Variants in GLUD1 observed in about 807,000 individuals in gnomAD.
GLUD1 encodes glutamate dehydrogenase 1, also known as glutamate dehydrogenase 1, mitochondrial.
Under a neutral mutation model 56.0 loss-of-function variants are expected in GLUD1, and 22 were observed. That is an observed-to-expected ratio of 0.39 (90% CI 0.28 to 0.56). GLUD1 has a LOEUF of 0.56. GLUD1 is among the 20% of genes least tolerant of loss of function. The pLI, the probability that GLUD1 is intolerant of heterozygous loss-of-function variation, is 0.58. For synonymous variants in GLUD1, 223 were observed against 269.9 expected, an observed-to-expected ratio of 0.83 and a Z score of 1.70; for missense variants, 451 against 732.0, an observed-to-expected ratio of 0.62 and a Z score of 4.43.
chr10:87,052,528 G>C (rs1269466433), intron 12 of GLUD1, among the ~76,000 whole-genome samples: 1 of 151,766 alleles, frequency 6.6e-6, no homozygotes, highest in Non-Finnish European at 1.5e-5. Flanking sequence ...AAATTAGTTG[G>C]GCATGGTGGC....
intron 7 of GLUD1, 38 bp downstream of exon 7, chr10:87,060,877 T>C: frequency 6.2e-7 from 1 of 1,613,154 alleles, no homozygotes; most frequent in Non-Finnish European, 8.5e-7. Context: ...TTTTAAATAT[T>C]TATATTTAGT....
chr10:87,055,886 C>T (rs866874218), intron 11 of GLUD1, among the ~76,000 whole-genome samples: 3 of 151,810 alleles, frequency 2.0e-5, no homozygotes, highest in African/African-American at 4.8e-5. Context: ...GAGGCCGAGG[C>T]GGGTGGATCA....
At position 87,060,589 on chromosome 10, in the gene GLUD1, C is replaced by G. The variant is rs186601265; in HGVS notation, c.1197+99G>C. 2.8e-6 allele frequency: 4 copies of G among 1,421,070 alleles called. No individual in the cohort carries two copies. The African/African-American group carries it at 4.2e-5, about 15-fold the overall frequency. The allele number at this position is 1,421,070 out of a possible 1,614,324, so 88.0% of individuals were successfully genotyped here. On this transcript the variant is annotated intron_variant, in intron 8 of 12. Coordinates refer to ENST00000277865, the MANE Select transcript of GLUD1 (RefSeq NM_005271.5). ...GTATGTGCAGTATGTGCCAATAAAG[C>G]TGCTAAAAAGAAAGAGAAAACTCAA...
chr10:87,080,590 G>A (rs1001135038), intron 1 of GLUD1, among the ~76,000 whole-genome samples: 4 of 148,726 alleles, frequency 2.7e-5, no homozygotes, highest in Non-Finnish European at 4.4e-5. Flanking sequence ...TTGCCCCGCC[G>A]CCCCGTCTGG....
Position 87,094,485 on chromosome 10 carries a change from C to T in GLUD1, c.285G>A (p.Glu95=), listed in dbSNP as rs1282859593. Residue 95 remains glutamate (E), a synonymous_variant, in exon 1 of 13, where the codon GAG becomes GAA. Transcript: ENST00000277865. The surrounding 1 kb of genome is among the most constrained non-coding windows in gnomAD (Gnocchi z 6.6). The part of the protein sequence containing the change: ...LVEDLRTRES[E]EQKRNRVRGI... ...CGCGCACCCGGTTCCGCTTCTGCTC[C>T]TCGCTCTCCCGGGTCCTCAGGTCCT... 1.9e-6 allele frequency: 3 copies of T among 1,613,562 alleles called. No homozygotes were observed. Among genetic ancestry groups the T allele is most frequent in the African/African-American group, 2.7e-5 (2 of 74,928 alleles).
At chr10:87,058,530 T>C (rs1186594502) in intron 10 of GLUD1, among the ~76,000 whole-genome samples, 1 of 152,138 alleles carries the variant, frequency 6.6e-6, no homozygotes, top group African/African-American at 2.4e-5. Flanking sequence ...TGACACTAGA[T>C]AGGCCTTTAC....
At chr10:87,070,991 T>C (rs899877937) in intron 4 of GLUD1, among the ~76,000 whole-genome samples, 9 of 151,176 alleles carry the variant, frequency 6.0e-5, no homozygotes, top group African/African-American at 2.2e-4. Flanking sequence ...TAGCCGGGCG[T>C]GGTGGCGGGC....
chr10:87,079,361 C>A (rs1841142675), intron 1 of GLUD1, among the ~76,000 whole-genome samples: 1 of 151,376 alleles, frequency 6.6e-6, no homozygotes, highest in Non-Finnish European at 1.5e-5. Flanking sequence ...TCACTTGAGC[C>A]CAGGAGTTGC....
chr10:87,089,385 A>G (rs374638963), intron 1 of GLUD1, among the ~76,000 whole-genome samples: 4 of 152,230 alleles, frequency 2.6e-5, no homozygotes, highest in South Asian at 2.1e-4. Flanking sequence ...CTTAGTAGCC[A>G]CATTTGGAAA....
intron 1 of GLUD1, among the ~76,000 whole-genome samples, chr10:87,080,631 C>T (rs1194172470): frequency 6.6e-6 from 1 of 150,620 alleles, no homozygotes; most frequent in East Asian, 2.0e-4. Context: ...CCGGCCGCGA[C>T]CCCGTCTGGG....
At chr10:87,089,187 G>A (rs777117209) in intron 1 of GLUD1, among the ~76,000 whole-genome samples, 1 of 152,192 alleles carries the variant, frequency 6.6e-6, no homozygotes, top group Non-Finnish European at 1.5e-5. Context: ...TTGTGTCAAT[G>A]GCATGAAGTG....
At chr10:87,073,458 T>C (rs1184753795) in intron 4 of GLUD1, among the ~76,000 whole-genome samples, 1 of 152,128 alleles carries the variant, frequency 6.6e-6, no homozygotes, top group African/African-American at 2.4e-5. Flanking sequence ...CCAGCCTTTA[T>C]AGTTTAATTT....
At position 87,051,508 on chromosome 10, in the gene GLUD1, AG is replaced by A; in HGVS notation, c.*242del. ...CAGATAAAGGAGGCTTTTTATTTAA[AG>A]GCAAAATACCAAAATGGCTCTCTGG... On this transcript the variant is annotated 3_prime_UTR_variant, in exon 13 of 13. Transcript: ENST00000277865. 1.8e-6 allele frequency: 1 copy of A among 564,396 alleles called. No individual in the cohort carries two copies. The highest frequency in any genetic ancestry group is 3.3e-6 in the Non-Finnish European group (1 of 306,098). The allele number at this position is 564,396 out of a possible 1,614,324, so 35.0% of individuals were successfully genotyped here.
At chr10:87,061,254 G>A in intron 6 of GLUD1, 2 of 686,370 alleles carry the variant, frequency 2.9e-6, no homozygotes, top group Non-Finnish European at 5.3e-6. Context: ...GGGCATGGTG[G>A]CTCACGCTTG....
At chr10:87,065,343 G>A (rs1359459015) in intron 5 of GLUD1, among the ~76,000 whole-genome samples, 1 of 151,030 alleles carries the variant, frequency 6.6e-6, no homozygotes, top group African/African-American at 2.4e-5. Context: ...CTGATCTCAG[G>A]TGATCCACCT....
chr10:87,056,670 C>A (rs993920905), intron 11 of GLUD1, among the ~76,000 whole-genome samples: 1 of 151,864 alleles, frequency 6.6e-6, no homozygotes. Context: ...GGATAAATTC[C>A]CAGAGGGGAG....
intron 1 of GLUD1, among the ~76,000 whole-genome samples, chr10:87,086,820 C>T (rs960670466): frequency 6.9e-6 from 1 of 145,980 alleles, no homozygotes; most frequent in African/African-American, 2.5e-5. Context: ...GACAGCGAGA[C>T]TCCGTCTCAA....
At chr10:87,069,572 T>A (rs1196224033) in intron 4 of GLUD1, among the ~76,000 whole-genome samples, 4 of 75,858 alleles carry the variant, frequency 5.3e-5, no homozygotes, top group African/African-American at 2.9e-4. Context: ...CATAAAATAA[T>A]TAAAGTTCTA....
chr10:87,080,870 C>T (rs1252764430), intron 1 of GLUD1, among the ~76,000 whole-genome samples: 7 of 147,428 alleles, frequency 4.7e-5, no homozygotes, highest in Non-Finnish European at 7.5e-5. Flanking sequence ...CCCCGCCCGG[C>T]CAGCCGCCCC....
Sources: gnomAD v4.1 joint callset for allele counts (sites outside exome capture counted in the v4.1 genomes callset) on GRCh38, gnomAD v4.1.1 for gene constraint, Gnocchi (gnomAD v3.1) non-coding constraint, MANE v1.5 for transcripts, NCBI Gene and HGNC (gene_info 2026-07-23, HGNC 2026-07-21) for gene names.